Variants in CDK14 observed in about 807,000 individuals in gnomAD.
CDK14 encodes cyclin-dependent kinase 14.
Under a neutral mutation model 60.7 loss-of-function variants are expected in CDK14, and 34 were observed. That is an observed-to-expected ratio of 0.56 (90% CI 0.43 to 0.75). The LOEUF (loss-of-function observed/expected upper bound fraction) is 0.75. Among genes scored for constraint, CDK14 ranks in the 30% least tolerant of loss-of-function variants. The pLI is 0.00. For missense variants in CDK14, 482 were observed against 564.1 expected (o/e 0.85, Z 1.47); for synonymous variants, 197 against 203.7 (o/e 0.97, Z 0.28).
chr7:91,114,752 A>G (rs1799559291), intron 13 of CDK14, among the ~76,000 whole-genome samples: 1 of 152,176 alleles, frequency 6.6e-6, no homozygotes, highest in Non-Finnish European at 1.5e-5. Context: ...GAAGATAATC[A>G]TTATGAGGCA....
In CDK14 at chr7:90,596,601, A is replaced by G; in HGVS notation, c.-27A>G. ...GAGCTGTGCCTGGACCAGTTTGGGG[A>G]AGTTGTCGGGGCTCCGCGTCGCCCA... On this transcript the variant is annotated 5_prime_UTR_variant, in exon 1 of 15. Coordinates refer to ENST00000380050, the MANE Select transcript of CDK14 (RefSeq NM_001287135.2). 6.3e-7 allele frequency: 1 copy of G among 1,599,810 alleles called. No homozygotes were observed.
intron 5 of CDK14, among the ~76,000 whole-genome samples, chr7:90,809,006 C>T (rs1023211802): frequency 2.0e-5 from 3 of 152,074 alleles, no homozygotes; most frequent in Non-Finnish European, 4.4e-5. Context: ...ACTTAGACTC[C>T]CATACAATAA....
At chr7:91,027,197 A>G (rs1368462862) in intron 10 of CDK14, among the ~76,000 whole-genome samples, 1 of 152,274 alleles carries the variant, frequency 6.6e-6, no homozygotes, top group African/African-American at 2.4e-5. Flanking sequence ...GTAGAAATAC[A>G]TTAAAGTATA....
At chr7:90,621,204 G>C (rs572784347) in intron 2 of CDK14, among the ~76,000 whole-genome samples, 1 of 152,170 alleles carries the variant, frequency 6.6e-6, no homozygotes, top group Non-Finnish European at 1.5e-5. Flanking sequence ...CTCGTTTTTG[G>C]GTTGGTGCCT....
intron 14 of CDK14, among the ~76,000 whole-genome samples, chr7:91,176,581 AAGAG>A (rs1489079539): frequency 2.0e-5 from 3 of 152,148 alleles, no homozygotes; most frequent in Admixed American, 6.5e-5. Flanking sequence ...TAAAGAAAAA[AAGAG>A]AGAAGAATCA....
At chr7:90,620,894 CCTT>C (rs1406316051) in intron 2 of CDK14, among the ~76,000 whole-genome samples, 2 of 152,148 alleles carry the variant, frequency 1.3e-5, no homozygotes, top group Non-Finnish European at 2.9e-5. Context: ...TAGGCTTCCT[CCTT>C]TTGTTGCCCC....
chr7:90,762,054 T>C (rs6948010), intron 4 of CDK14, among the ~76,000 whole-genome samples: 315 of 152,302 alleles, frequency 2.1e-3, no homozygotes, highest in Non-Finnish European at 3.9e-3. Context: ...TAGTGGGTTA[T>C]GTATATTTGC....
At chr7:90,696,627 T>C (rs1465558228) in intron 2 of CDK14, among the ~76,000 whole-genome samples, 1 of 152,126 alleles carries the variant, frequency 6.6e-6, no homozygotes, top group African/African-American at 2.4e-5. Flanking sequence ...ATTTGTCACA[T>C]AAGTATTTGG....
chr7:91,040,448 A>G (rs538635691), intron 10 of CDK14, among the ~76,000 whole-genome samples: 28 of 152,338 alleles, frequency 1.8e-4, no homozygotes, highest in Non-Finnish European at 3.1e-4. Flanking sequence ...AAAGTAGTAC[A>G]GCTGTGAAGC....
At chr7:90,671,289 C>CT (rs201022256) in intron 2 of CDK14, among the ~76,000 whole-genome samples, 18,371 of 147,168 alleles carry the variant, frequency 0.12, 1,193 homozygotes, top group Middle Eastern at 0.16. Context: ...CAGGAGATGA[C>CT]TTTTTTTTTT....
At chr7:91,015,756 G>C (rs1351457899) in intron 10 of CDK14, among the ~76,000 whole-genome samples, 4 of 149,970 alleles carry the variant, frequency 2.7e-5, no homozygotes, top group Non-Finnish European at 5.9e-5. Flanking sequence ...TTACTTCATG[G>C]AATATGGGTA....
intron 2 of CDK14, among the ~76,000 whole-genome samples, chr7:90,615,050 A>G (rs1799621335): frequency 6.6e-6 from 1 of 152,200 alleles, no homozygotes; most frequent in Non-Finnish European, 1.5e-5. Flanking sequence ...AATGAAATTA[A>G]TAGTTTTCCT....
intron 14 of CDK14, among the ~76,000 whole-genome samples, chr7:91,166,552 TAA>T (rs1288373819): frequency 5.9e-5 from 9 of 152,234 alleles, no homozygotes; most frequent in African/African-American, 1.9e-4. Flanking sequence ...TCGTATTTTA[TAA>T]GATTTTTAAA....
intron 8 of CDK14, among the ~76,000 whole-genome samples, chr7:90,938,315 T>C (rs1793815980): frequency 6.6e-6 from 1 of 152,258 alleles, no homozygotes; most frequent in Admixed American, 6.5e-5. Context: ...GCTTGTGGAA[T>C]AAGAATGCCA....
At chr7:90,781,559 G>GTT (rs1805321540) in intron 4 of CDK14, among the ~76,000 whole-genome samples, 3 of 143,808 alleles carry the variant, frequency 2.1e-5, no homozygotes, top group Non-Finnish European at 4.6e-5. Flanking sequence ...GGTCTAACAT[G>GTT]TAAGTCTTTA....
At chr7:90,751,487 A>G (rs1373755085) in intron 4 of CDK14, among the ~76,000 whole-genome samples, 1 of 152,162 alleles carries the variant, frequency 6.6e-6, no homozygotes, top group African/African-American at 2.4e-5. Context: ...ATTTCTTACC[A>G]CTAGATCAGC....
At chr7:90,775,580 T>C (rs1238267213) in intron 4 of CDK14, among the ~76,000 whole-genome samples, 4 of 147,510 alleles carry the variant, frequency 2.7e-5, no homozygotes, top group African/African-American at 1.0e-4. Flanking sequence ...TCCAGACAAG[T>C]GTGCTTGAAA....
At chr7:90,602,361 A>G (rs1041114449) in intron 1 of CDK14, among the ~76,000 whole-genome samples, 1 of 152,214 alleles carries the variant, frequency 6.6e-6, no homozygotes, top group Non-Finnish European at 1.5e-5. Context: ...TTTGAAATCA[A>G]TGGGCTATTA....
intron 5 of CDK14, among the ~76,000 whole-genome samples, chr7:90,803,010 A>G (rs977521766): frequency 6.6e-6 from 1 of 152,152 alleles, no homozygotes; most frequent in African/African-American, 2.4e-5. Flanking sequence ...TTGTCAGCTC[A>G]TATTTAAAAG....
Sources: gnomAD v4.1 joint callset for allele counts (sites outside exome capture counted in the v4.1 genomes callset) on GRCh38, gnomAD v4.1.1 for gene constraint, MANE v1.5 for transcripts, NCBI Gene and HGNC (gene_info 2026-07-23, HGNC 2026-07-21) for gene names.